Variants in VAV2 observed in about 807,000 individuals in gnomAD.
VAV2 encodes vav guanine nucleotide exchange factor 2.
Under a neutral mutation model 132.5 loss-of-function variants are expected in VAV2, and 67 were observed. That is an observed-to-expected ratio of 0.51 (90% CI 0.42 to 0.62). The LOEUF is 0.62. Among genes scored for constraint, VAV2 ranks in the 20% least tolerant of loss-of-function variants. The pLI is 0.00. For missense variants in VAV2, 938 were observed against 1,153.6 expected, an observed-to-expected ratio of 0.81 and a Z score of 2.71; for synonymous variants, 492 against 443.5, an observed-to-expected ratio of 1.11 and a Z score of -1.37.
intron 13 of VAV2, 111 bp downstream of exon 13, chr9:133,791,672 C>T: frequency 1.1e-6 from 1 of 931,466 alleles, no homozygotes; most frequent in Non-Finnish European, 1.7e-6. Flanking sequence ...TCTCAACAGG[C>T]AGCCATGGTG....
chr9:133,922,478 G>C (rs1317697982), intron 2 of VAV2, among the ~76,000 whole-genome samples: 1 of 152,188 alleles, frequency 6.6e-6, no homozygotes, highest in Non-Finnish European at 1.5e-5. Context: ...TTACCTTCCT[G>C]CCCATCAGGT....
chr9:133,915,860 G>A (rs1408540471), intron 2 of VAV2, among the ~76,000 whole-genome samples: 1 of 139,484 alleles, frequency 7.2e-6, no homozygotes, highest in African/African-American at 2.8e-5. Context: ...CACACACGAT[G>A]TACATGTACA....
At chr9:133,902,244 G>A (rs1221812145) in intron 2 of VAV2, among the ~76,000 whole-genome samples, 2 of 152,166 alleles carry the variant, frequency 1.3e-5, no homozygotes, top group Non-Finnish European at 1.5e-5. Context: ...TGAGGACCAC[G>A]CAGGACAATC....
At chr9:133,776,391 G>GC (rs11451660) in intron 23 of VAV2, among the ~76,000 whole-genome samples, 72,780 of 151,992 alleles carry the variant, frequency 0.48, 18,588 homozygotes, top group African/African-American at 0.61. Context: ...GTGGATGTGA[G>GC]ACACCCACAG....
Position 133,784,425 on chromosome 9 carries a change from G to A in VAV2, c.1533-7C>T, listed in dbSNP as rs1834137286. 1 of 1,614,062 alleles carries A rather than the reference G, an allele frequency of 6.2e-7. No individual in the cohort carries two copies. Among genetic ancestry groups the A allele is most frequent in the Non-Finnish European group, 8.5e-7 (1 of 1,179,906 alleles). Reference sequence around the variant, plus strand: ...GTCTGGCTTGATGTTTGACCTGGCAGGAGGGAAAGAGAGCAGATGCTACAC... The same window carrying A: ...GTCTGGCTTGATGTTTGACCTGGCAAGAGGGAAAGAGAGCAGATGCTACAC... On this transcript the variant is annotated splice_polypyrimidine_tract_variant and splice_region_variant and intron_variant, in intron 17 of 29. Transcript: ENST00000371850.
chr9:133,971,333 C>T (rs1360471322), intron 1 of VAV2, among the ~76,000 whole-genome samples: 2 of 152,294 alleles, frequency 1.3e-5, no homozygotes, highest in African/African-American at 4.8e-5. Flanking sequence ...CCAGGGGCAG[C>T]CGCAAGCAGG....
intron 1 of VAV2, among the ~76,000 whole-genome samples, chr9:133,990,833 G>T (rs531825016): frequency 3.7e-4 from 57 of 152,210 alleles, no homozygotes; most frequent in Admixed American, 1.2e-3. Flanking sequence ...TGGCTCCCAG[G>T]GAGGCCTCTG....
At chr9:133,783,633 G>A (rs374793896) in intron 18 of VAV2, 42 bp from the exon 19 acceptor site, 76 of 1,589,950 alleles carry the variant, frequency 4.8e-5, no homozygotes, top group African/African-American at 6.7e-5. Context: ...GGCTGGGGTC[G>A]GCTCCTCATG....
rs76848204 is a variant in VAV2 at position 133,805,086 on chromosome 9, G to C, written c.836+995C>G. Among the ~76,000 whole-genome samples the C allele has an allele frequency of 4.7e-4, 72 of 152,272 alleles. No individual in the cohort carries two copies. The East Asian group carries it at 0.013, about 27-fold the overall frequency. ...GAATCCAGCCCTGGGCCTGTCCCCG[G>C]CTGCCTGGACAGGGAGGGGTGTGAG... On this transcript the variant is annotated intron_variant, in intron 9 of 29. Transcript: ENST00000371850.
intron 25 of VAV2, among the ~76,000 whole-genome samples, chr9:133,774,509 G>A (rs1417110565): frequency 6.6e-6 from 1 of 152,172 alleles, no homozygotes; most frequent in East Asian, 1.9e-4. Flanking sequence ...AAGCCGCAAG[G>A]CAGCAGTAGT....
At chr9:133,843,060 G>GT (rs1454244996) in intron 3 of VAV2, among the ~76,000 whole-genome samples, 1 of 152,178 alleles carries the variant, frequency 6.6e-6, no homozygotes, top group Non-Finnish European at 1.5e-5. Context: ...CAGGGATCAC[G>GT]TTTCTTTCCT....
chr9:133,863,304 G>A lies in VAV2; in HGVS notation c.322-1872C>T, dbSNP rs946808382. Among the ~76,000 whole-genome samples the A allele has an allele frequency of 5.3e-5, 8 of 152,198 alleles. No homozygotes were observed. Among genetic ancestry groups the A allele is most frequent in the African/African-American group, 1.2e-4 (5 of 41,440 alleles). ...GATCAATCCCTCCGAGGAGCCGGGCGCAGGCCCAGAGCCCTCCTCCGTGGA... is the reference window on the plus strand; with the variant it reads ...GATCAATCCCTCCGAGGAGCCGGGCACAGGCCCAGAGCCCTCCTCCGTGGA... On this transcript the variant is annotated intron_variant, in intron 2 of 29. Coordinates refer to ENST00000371850, the MANE Select transcript of VAV2 (RefSeq NM_001134398.2). This position sits in a 1 kb window ranked among gnomAD's most constrained non-coding sequence, Gnocchi z 5.0.
Position 133,787,347 on chromosome 9 carries a change from G to A in VAV2, c.1408-87C>T, listed in dbSNP as rs538649546. On this transcript the variant is annotated intron_variant, in intron 15 of 29. Coordinates refer to ENST00000371850, the MANE Select transcript of VAV2 (RefSeq NM_001134398.2). Reference sequence around the variant, plus strand: ...GTGGTGGGTGCCGCAGTGTGGAGGCGCCAGGAGCCCTGGCAGGTGGAACAC... The same window carrying A: ...GTGGTGGGTGCCGCAGTGTGGAGGCACCAGGAGCCCTGGCAGGTGGAACAC... 3.7e-5 allele frequency: 51 copies of A among 1,370,668 alleles called. No homozygotes were observed. In the African/African-American group the frequency reaches 3.8e-4, roughly 10 times the overall value. The allele number at this position is 1,370,668 out of a possible 1,614,324, so 84.9% of individuals were successfully genotyped here. A position where few individuals can be genotyped will look rare whatever the true frequency, so the allele number is the denominator to read the frequency against.
rs1838409009 is a variant in VAV2, at chr9:133,879,678, G to A, written c.322-18246C>T. Reference sequence around the variant, plus strand: ...GACGAACAGCACTGCTGGCTCAGATGAACCACCAAGAACCTGCTCTCCCTT... The same window carrying A: ...GACGAACAGCACTGCTGGCTCAGATAAACCACCAAGAACCTGCTCTCCCTT... On this transcript the variant is annotated intron_variant, in intron 2 of 29. Coordinates refer to ENST00000371850, the MANE Select transcript of VAV2 (RefSeq NM_001134398.2). The surrounding 1 kb of genome is among the most constrained non-coding windows in gnomAD (Gnocchi z 4.4). 6.6e-6 allele frequency among the ~76,000 whole-genome samples: 1 copy of A among 152,126 alleles called. No homozygotes were observed. Among genetic ancestry groups the A allele is most frequent in the Admixed American group, 6.6e-5 (1 of 15,266 alleles).
intron 12 of VAV2, among the ~76,000 whole-genome samples, chr9:133,792,255 G>A (rs1336865221): frequency 6.4e-3 from 689 of 107,982 alleles, no homozygotes; most frequent in Middle Eastern, 0.01. Context: ...GTGTATAAGC[G>A]GGCTGTACTG....
At chr9:133,874,333 T>C (rs1838177358) in intron 2 of VAV2, among the ~76,000 whole-genome samples, 1 of 152,128 alleles carries the variant, frequency 6.6e-6, no homozygotes, top group African/African-American at 2.4e-5. Context: ...TGGGCATCAC[T>C]CAGCGCTGCT....
intron 1 of VAV2, among the ~76,000 whole-genome samples, chr9:133,967,454 A>C (rs1296005994): frequency 3.3e-5 from 5 of 152,354 alleles, no homozygotes; most frequent in African/African-American, 1.2e-4. Flanking sequence ...CTGCACTCCC[A>C]CCTTTACCGT....
chr9:133,890,503 T>G (rs1838890415), intron 2 of VAV2, among the ~76,000 whole-genome samples: 2 of 152,094 alleles, frequency 1.3e-5, no homozygotes, highest in Non-Finnish European at 2.9e-5. Flanking sequence ...TCTCCCTAGC[T>G]GGAGCAAAGA....
At chr9:133,786,097 A>AT (rs1834211100) in intron 16 of VAV2, 1 of 605,214 alleles carries the variant, frequency 1.7e-6, no homozygotes, top group Admixed American at 2.2e-5. Context: ...GCATGCATGT[A>AT]TAGCTGTGTG....
Sources: allele counts gnomAD v4.1 joint callset (sites outside exome capture counted in the v4.1 genomes callset), GRCh38; gene constraint gnomAD v4.1.1; non-coding constraint Gnocchi (gnomAD v3.1); transcripts MANE v1.5; gene names NCBI Gene and HGNC (gene_info 2026-07-23, HGNC 2026-07-21).